ABL1: variants seen among roughly 807,000 people sequenced by gnomAD.
The protein encoded by ABL1 is ABL proto-oncogene 1, non-receptor tyrosine kinase, also known as tyrosine-protein kinase ABL1.
ABL1 carries 11 observed loss-of-function variants against 94.7 expected under a neutral mutation model. The observed-to-expected ratio is 0.12, with a 90% CI of 0.07 to 0.19. ABL1 has a LOEUF of 0.19. ABL1 is among the 10% of genes least tolerant of loss of function. ABL1 has a pLI of 1.00. For missense variants in ABL1, 1,082 were observed against 1,489.4 expected, an observed-to-expected ratio of 0.73 and a Z score of 4.50; for synonymous variants, 656 against 622.4, an observed-to-expected ratio of 1.05 and a Z score of -0.80.
chr9:130,812,712 AG>A, intron 1 of ABL1, among the ~76,000 whole-genome samples: 1 of 151,054 alleles, frequency 6.6e-6, no homozygotes, highest in Non-Finnish European at 1.5e-5. Flanking sequence ...CTGTAATTAT[AG>A]TTGAAGGTTT....
At chr9:130,817,375 T>C in intron 1 of ABL1, among the ~76,000 whole-genome samples, 1 of 152,228 alleles carries the variant, frequency 6.6e-6, no homozygotes, top group Admixed American at 6.5e-5. Context: ...AAGCAAGCAT[T>C]AGGTCATGGC....
At position 130,835,835 on chromosome 9, in the gene ABL1, C is replaced by T. The variant is rs1387658851; in HGVS notation, c.79+310C>T. Among the ~76,000 whole-genome samples the T allele has an allele frequency of 1.3e-5, 2 of 152,246 alleles. No homozygotes were observed. The highest frequency in any genetic ancestry group is 2.1e-4 in the South Asian group (1 of 4,836). ...GCGTGGCCCCCAGCCCCGGCACCAGCCCCGGTAGAGCCACGCCGGATGGTG... is the reference window on the plus strand; with the variant it reads ...GCGTGGCCCCCAGCCCCGGCACCAGTCCCGGTAGAGCCACGCCGGATGGTG... On this transcript the variant is annotated intron_variant, in intron 1 of 10. Coordinates refer to ENST00000318560, the MANE Select transcript of ABL1 (RefSeq NM_005157.6). This position sits in a 1 kb window ranked among gnomAD's most constrained non-coding sequence, Gnocchi z 4.6.
At chr9:130,824,720 C>T (rs1337225025) in intron 1 of ABL1, among the ~76,000 whole-genome samples, 2 of 152,152 alleles carry the variant, frequency 1.3e-5, no homozygotes, top group East Asian at 1.9e-4. Context: ...TGTTTTCAAG[C>T]GGCTGCATGG....
chr9:130,718,934 G>A (rs1169456615), intron 1 of ABL1, among the ~76,000 whole-genome samples: 1 of 152,122 alleles, frequency 6.6e-6, no homozygotes, highest in African/African-American at 2.4e-5. Flanking sequence ...AAGGCACATA[G>A]GGATGTTTGT....
chr9:130,755,681 C>G (rs890721423), intron 1 of ABL1, among the ~76,000 whole-genome samples: 1 of 152,202 alleles, frequency 6.6e-6, no homozygotes, highest in Non-Finnish European at 1.5e-5. Context: ...ACCAATTCCC[C>G]TCTGTTTTCC....
intron 1 of ABL1, among the ~76,000 whole-genome samples, chr9:130,733,018 G>A (rs1831686639): frequency 6.6e-6 from 1 of 152,176 alleles, no homozygotes. Context: ...AAACAGAGAA[G>A]GGGAGTGTTT....
chr9:130,788,298 G>A (rs1425870229), intron 1 of ABL1, among the ~76,000 whole-genome samples: 4 of 152,108 alleles, frequency 2.6e-5, no homozygotes, highest in Non-Finnish European at 4.4e-5. Context: ...AATTTTTAAC[G>A]TATTGCTACA....
intron 1 of ABL1, among the ~76,000 whole-genome samples, chr9:130,762,345 C>T (rs1832127209): frequency 6.6e-6 from 1 of 152,090 alleles, no homozygotes; most frequent in African/African-American, 2.4e-5. Context: ...AAATATTCTT[C>T]TGTGCCATTG....
intron 1 of ABL1, among the ~76,000 whole-genome samples, chr9:130,715,999 A>G (rs190893543): frequency 8.6e-5 from 13 of 151,032 alleles, no homozygotes; most frequent in Admixed American, 7.3e-4. Context: ...ACGTGCACTC[A>G]CAGTTAAACA....
intron 1 of ABL1, among the ~76,000 whole-genome samples, chr9:130,754,796 G>A (rs1481502865): frequency 6.6e-6 from 1 of 152,116 alleles, no homozygotes; most frequent in African/African-American, 2.4e-5. Context: ...CCTTTTCTGA[G>A]TGCTTTTAAC....
At chr9:130,714,466 T>G (rs1831410373) in intron 1 of ABL1, 1 of 1,614,058 alleles carries the variant, frequency 6.2e-7, no homozygotes, top group Admixed American at 1.7e-5. Context: ...GTGAGTGCTT[T>G]TCAAAATTTC....
chr9:130,884,944 C>T lies in ABL1; in HGVS notation c.2654C>T (p.Pro885Leu). The change falls in exon 11 of 11, where the codon CCA (proline) becomes CTA (leucine). Residue 885 changes from proline (P) to leucine (L), a missense_variant. By Grantham distance (98) the Pro-to-Leu change is moderately conservative. Transcript: ENST00000318560. This position sits in a 1 kb window ranked among gnomAD's most constrained non-coding sequence, Gnocchi z 5.6. ...AGGCACAAGCACTCCTCTGAGTCGCCAGGGAGGGACAAGGGGAAATTGTCC... is the reference window on the plus strand; with the variant it reads ...AGGCACAAGCACTCCTCTGAGTCGCTAGGGAGGGACAAGGGGAAATTGTCC... ...VRRHKHSSES[P>L]GRDKGKLSRL... The T allele has an allele frequency of 6.2e-7, 1 of 1,611,550 alleles. No individual in the cohort carries two copies. Among genetic ancestry groups the T allele is most frequent in the East Asian group, 2.2e-5 (1 of 44,842 alleles).
intron 1 of ABL1, among the ~76,000 whole-genome samples, chr9:130,806,041 G>A (rs1287864554): frequency 5.3e-5 from 8 of 152,182 alleles, no homozygotes; most frequent in African/African-American, 1.9e-4. Context: ...AAGAAAGCAG[G>A]TGTCTGGCCC....
rs757843922 is a variant in ABL1 at position 130,880,176 on chromosome 9, GGT to G, written c.1513+20_1513+21del. 2.9e-4 allele frequency: 460 copies of G among 1,611,648 alleles called. 1 individual carries two copies. The African/African-American group carries it at 5.3e-3, about 19-fold the overall frequency. On this transcript the variant is annotated intron_variant, in intron 9 of 10. Coordinates refer to ENST00000318560, the MANE Select transcript of ABL1 (RefSeq NM_005157.6). The surrounding 1 kb of genome is among the most constrained non-coding windows in gnomAD (Gnocchi z 4.4). ...TCAGACGGTAAAGTACCCATCCCGG[GGT>G]ACCTGCAGTGGGGTGAAAGGGCAGC...
At chr9:130,735,315 C>T (rs952794181) in intron 1 of ABL1, among the ~76,000 whole-genome samples, 2 of 152,174 alleles carry the variant, frequency 1.3e-5, no homozygotes, top group Non-Finnish European at 2.9e-5. Flanking sequence ...CAGGTATGAG[C>T]CACTGTGCTA....
intron 1 of ABL1, among the ~76,000 whole-genome samples, chr9:130,765,089 A>AT (rs1232993815): frequency 1.2e-4 from 19 of 152,052 alleles, no homozygotes; most frequent in Admixed American, 9.8e-4. Flanking sequence ...TGTCAAGATG[A>AT]TTTTTTTGTT....
At chr9:130,713,096 C>G (rs1219723188) in exon 1 of ABL1, among the ~76,000 whole-genome samples, 2 of 152,336 alleles carry the variant, frequency 1.3e-5, no homozygotes, top group East Asian at 3.9e-4. Context: ...AGCGCTGGAG[C>G]CGGAGCCGGT....
At position 130,724,269 on chromosome 9, in the gene ABL1, A is replaced by T. The variant is rs143453738; in HGVS notation, c.136+9814A>T. 9.2e-4 allele frequency among the ~76,000 whole-genome samples: 140 copies of T among 152,294 alleles called. 1 individual carries two copies. The highest frequency in any genetic ancestry group is 2.9e-3 in the African/African-American group (119 of 41,568). ...TTCTGTTTCCCCAGCATAATGCTGA[A>T]TACATAGGCTCTCCATAAAAAAAAT... is the stretch of plus-strand genomic sequence containing the variant. On this transcript the variant is annotated intron_variant, in intron 1 of 10. Transcript: ENST00000372348.
rs1830563343 is a variant in ABL1, at chr9:130,835,651, T to C, written c.79+126T>C. The stretch of plus-strand genomic sequence containing the variant: ...CTCCCCGGGTCTTGTCTTTTTTTTC[T>C]TTCTTCCCTCTTCTCTTCTCTTCTC... On this transcript the variant is annotated intron_variant, in intron 1 of 10. Transcript: ENST00000318560. This position sits in a 1 kb window ranked among gnomAD's most constrained non-coding sequence, Gnocchi z 4.6. The C allele has an allele frequency of 1.6e-6, 1 of 611,256 alleles. No individual in the cohort carries two copies. The allele number at this position is 611,256 out of a possible 1,614,324, so 37.9% of individuals were successfully genotyped here.
Sources: gnomAD v4.1 joint callset for allele counts (sites outside exome capture counted in the v4.1 genomes callset) on GRCh38, gnomAD v4.1.1 for gene constraint, Gnocchi (gnomAD v3.1) non-coding constraint, MANE v1.5 for transcripts, NCBI Gene and HGNC (gene_info 2026-07-23, HGNC 2026-07-21) for gene names.